The following STOX2 variants were observed in gnomAD, a reference collection of about 807,000 sequenced individuals.
STOX2 encodes the protein storkhead box 2.
Under a neutral mutation model 60.9 loss-of-function variants are expected in STOX2, and 28 were observed. The ratio of observed to expected loss-of-function variants is 0.46; its 90% CI spans 0.34 to 0.63. STOX2 has a LOEUF of 0.63. STOX2 is among the 30% of genes least tolerant of loss of function. The probability of loss-of-function intolerance (pLI) is 0.01; values close to 1 mark genes in which losing one functional copy is unlikely to be tolerated. For missense variants in STOX2, 1,024 were observed against 1,187.7 expected (o/e 0.86, Z 2.03); for synonymous variants, 472 against 463.9 (o/e 1.02, Z -0.22).
chr4:183,911,747 G>A (rs1285632551), intron 1 of STOX2, among the ~76,000 whole-genome samples: 1 of 152,058 alleles, frequency 6.6e-6, no homozygotes, highest in African/African-American at 2.4e-5. Context: ...TTTGGTACAC[G>A]GTTGCTTAGG....
At chr4:183,968,233 C>T (rs1288677894) in intron 1 of STOX2, among the ~76,000 whole-genome samples, 1 of 150,204 alleles carries the variant, frequency 6.7e-6, no homozygotes, top group Non-Finnish European at 1.5e-5. Context: ...CACCATAGGT[C>T]GCCAGCTTTT....
chr4:184,011,502 G>A lies in STOX2; in HGVS notation c.2585+79G>A. 6.3e-7 allele frequency: 1 copy of A among 1,583,044 alleles called. No homozygotes were observed. Among genetic ancestry groups the A allele is most frequent in the Non-Finnish European group, 8.6e-7 (1 of 1,162,364 alleles). ...TATGCACGTAACTTGACAAGTTTCT[G>A]ATTTCGTAGTCTCAGTTCTATGGAT... On this transcript the variant is annotated intron_variant, in intron 3 of 3. Transcript: ENST00000308497. This position sits in a 1 kb window ranked among gnomAD's most constrained non-coding sequence, Gnocchi z 4.4.
At chr4:183,912,002 C>T (rs570962660) in intron 1 of STOX2, among the ~76,000 whole-genome samples, 124 of 152,314 alleles carry the variant, frequency 8.1e-4, no homozygotes, top group African/African-American at 3.0e-3. Context: ...GTAGGGAGTA[C>T]ACTTTTCCTG....
At chr4:183,899,351 G>A (rs533076617) in intron 1 of STOX2, among the ~76,000 whole-genome samples, 8 of 152,330 alleles carry the variant, frequency 5.3e-5, no homozygotes, top group African/African-American at 7.2e-5. Context: ...TAGGCTTTGC[G>A]AGGAAGGCAT....
chr4:183,814,264 T>C (rs1259856110), intron 1 of STOX2, among the ~76,000 whole-genome samples: 1 of 152,178 alleles, frequency 6.6e-6, no homozygotes, highest in Non-Finnish European at 1.5e-5. Flanking sequence ...TAATGTCACT[T>C]AGAAACACAT....
intron 1 of STOX2, among the ~76,000 whole-genome samples, chr4:183,978,978 A>G (rs1009019813): frequency 1.3e-5 from 2 of 152,248 alleles, no homozygotes; most frequent in African/African-American, 4.8e-5. Context: ...TGTTAAAAAT[A>G]TGAGTTTTCT....
chr4:183,822,819 A>G (rs1297708189), intron 1 of STOX2, among the ~76,000 whole-genome samples: 1 of 152,216 alleles, frequency 6.6e-6, no homozygotes, highest in East Asian at 1.9e-4. Context: ...ATCTTCATGG[A>G]AACTCAGTGA....
intron 1 of STOX2, among the ~76,000 whole-genome samples, chr4:183,820,016 G>A (rs768813467): frequency 6.6e-6 from 1 of 152,218 alleles, no homozygotes; most frequent in Non-Finnish European, 1.5e-5. Flanking sequence ...ATGAATATTA[G>A]TTCATAGTTC....
chr4:183,962,575 G>A (rs74846114), intron 1 of STOX2, among the ~76,000 whole-genome samples: 3 of 152,096 alleles, frequency 2.0e-5, no homozygotes, highest in Admixed American at 6.5e-5. Flanking sequence ...TCAAACTAGC[G>A]TGAATCATTA....
chr4:183,890,878 C>T (rs541476952), intron 1 of STOX2, among the ~76,000 whole-genome samples: 44 of 152,134 alleles, frequency 2.9e-4, no homozygotes, highest in African/African-American at 9.4e-4. Flanking sequence ...GAGGCTGAGG[C>T]GGGAGGATCG....
chr4:183,921,096 G>A (rs1742088651), intron 1 of STOX2, among the ~76,000 whole-genome samples: 1 of 152,224 alleles, frequency 6.6e-6, no homozygotes, highest in African/African-American at 2.4e-5. Flanking sequence ...ATCTGTTGTT[G>A]TAAGAGTTAG....
Position 183,957,148 on chromosome 4 carries a change from T to TATAATAATAATA in STOX2, c.167-44151_167-44140dup, listed in dbSNP as rs57935070. On this transcript the variant is annotated intron_variant, in intron 1 of 3. Coordinates refer to ENST00000308497, the MANE Select transcript of STOX2 (RefSeq NM_020225.3). ...TACACATGTACCCTAAAACTTAAAG[T>TATAATAATAATA]ATAATAATAATAATAATAATAATAA... Among the ~76,000 whole-genome samples, 765 of 142,744 alleles carry TATAATAATAATA rather than the reference T, an allele frequency of 5.4e-3. 3 individuals carry two copies. The highest frequency in any genetic ancestry group is 6.2e-3 in the Non-Finnish European group (407 of 65,912). 93.6% of individuals were successfully genotyped at this position (142,744 alleles called of 152,430 possible). A position where few individuals can be genotyped will look rare whatever the true frequency, so the allele number is the denominator to read the frequency against.
chr4:183,990,578 ATTTTTTTTTTTTTTTTT>A (rs57369052), intron 1 of STOX2, among the ~76,000 whole-genome samples: 18 of 82,484 alleles, frequency 2.2e-4, no homozygotes, highest in East Asian at 1.7e-3. Context: ...AAAAAGCAGG[ATTTTTTTTTTTTTTTTT>A]TTTTTTTTTT....
chr4:183,845,909 G>A (rs1739973180), intron 1 of STOX2, among the ~76,000 whole-genome samples: 1 of 152,140 alleles, frequency 6.6e-6, no homozygotes, highest in Non-Finnish European at 1.5e-5. Flanking sequence ...GTACTTAACA[G>A]TGTTCTTTAT....
intron 1 of STOX2, among the ~76,000 whole-genome samples, chr4:183,852,512 G>GGAAAGGATGAGA (rs1740176668): frequency 4.3e-5 from 5 of 117,052 alleles, no homozygotes; most frequent in Admixed American, 1.7e-4. Context: ...AAAGGATGAG[G>GGAAAGGATGAGA]GAAAGGATGA....
At chr4:183,874,502 T>C (rs1238271313) in intron 1 of STOX2, among the ~76,000 whole-genome samples, 1 of 152,214 alleles carries the variant, frequency 6.6e-6, no homozygotes, top group Non-Finnish European at 1.5e-5. Flanking sequence ...GACTGAAGAT[T>C]ATTAATGAGC....
chr4:184,001,343 G>C lies in STOX2; in HGVS notation c.185G>C (p.Ser62Thr), dbSNP rs1437429158. ...YMTSGDVSPI[S>T]MSPISQSQFI... ...TCTGCAGGTGATGTATCACCCATCA[G>C]TATGTCTCCCATCAGTCAGTCTCAG... is the stretch of plus-strand genomic sequence containing the variant. The change falls in exon 2 of 4, where the codon AGT becomes ACT. Residue 62 changes from serine (S) to threonine (T), a missense_variant. Coordinates refer to ENST00000308497, the MANE Select transcript of STOX2 (RefSeq NM_020225.3). This position sits in a 1 kb window ranked among gnomAD's most constrained non-coding sequence, Gnocchi z 4.2. 1 of 1,613,938 alleles carries C rather than the reference G, an allele frequency of 6.2e-7. No individual in the cohort carries two copies. The highest frequency in any genetic ancestry group is 1.7e-5 in the Admixed American group (1 of 60,024).
chr4:183,961,595 G>C (rs772567408), intron 1 of STOX2, among the ~76,000 whole-genome samples: 1 of 152,162 alleles, frequency 6.6e-6, no homozygotes, highest in Admixed American at 6.5e-5. Flanking sequence ...AGCGGTACAA[G>C]TGCAGTACCC....
At position 183,915,568 on chromosome 4, in the gene STOX2, A is replaced by T. The variant is rs998939544; in HGVS notation, c.166+8612A>T. Among the ~76,000 whole-genome samples, 15 of 152,254 alleles carry T rather than the reference A, an allele frequency of 9.9e-5. No individual in the cohort carries two copies. The South Asian group carries it at 1.7e-3, about 17-fold the overall frequency. ...TACCTGCGAATATGCCCTTATTTGG[A>T]AATCAGGTCATTGTGGCTGTAACCA... On this transcript the variant is annotated intron_variant, in intron 1 of 3. Transcript: ENST00000308497.
Sources: gnomAD v4.1 joint callset for allele counts (sites outside exome capture counted in the v4.1 genomes callset) on GRCh38, gnomAD v4.1.1 for gene constraint, Gnocchi (gnomAD v3.1) non-coding constraint, MANE v1.5 for transcripts, NCBI Gene and HGNC (gene_info 2026-07-23, HGNC 2026-07-21) for gene names.